Variants in ERC2 observed in about 807,000 individuals in gnomAD.
The protein encoded by ERC2 is ELKS/RAB6-interacting/CAST family member 2, also known as ERC protein 2.
ERC2 carries 42 observed loss-of-function variants against 114.8 expected under a neutral mutation model. The ratio of observed to expected loss-of-function variants is 0.37; its 90% CI spans 0.29 to 0.47. ERC2 has a LOEUF of 0.47. Ranked by LOEUF, ERC2 falls within the 20% of genes least tolerant of loss-of-function variation. ERC2 has a pLI of 0.99. For missense variants in ERC2, 939 were observed against 1,150.7 expected, an observed-to-expected ratio of 0.82 and a Z score of 2.66; for synonymous variants, 454 against 425.5, an observed-to-expected ratio of 1.07 and a Z score of -0.82.
At chr3:56,294,440 T>C (rs1166213484) in intron 3 of ERC2, among the ~76,000 whole-genome samples, 3 of 152,218 alleles carry the variant, frequency 2.0e-5, no homozygotes, top group African/African-American at 7.2e-5. Flanking sequence ...GCTCACTAAA[T>C]GGCTGTTACC....
chr3:55,935,720 A>C (rs1377678411), intron 13 of ERC2, among the ~76,000 whole-genome samples: 1 of 152,190 alleles, frequency 6.6e-6, no homozygotes, highest in Non-Finnish European at 1.5e-5. Context: ...CCTGCCACAC[A>C]AGGCCATTGC....
intron 15 of ERC2, among the ~76,000 whole-genome samples, chr3:55,732,562 C>T (rs543273723): frequency 7.9e-5 from 12 of 152,268 alleles, no homozygotes; most frequent in African/African-American, 2.9e-4. Flanking sequence ...GGACTATGCT[C>T]AATCCTTACT....
intron 14 of ERC2, among the ~76,000 whole-genome samples, chr3:55,837,539 G>A (rs1207832270): frequency 6.7e-6 from 1 of 149,168 alleles, no homozygotes; most frequent in East Asian, 2.0e-4. Flanking sequence ...TCACTCATAG[G>A]TGGGAAATGA....
intron 14 of ERC2, among the ~76,000 whole-genome samples, chr3:55,872,572 T>C (rs995439327): frequency 3.9e-5 from 6 of 152,126 alleles, no homozygotes; most frequent in Non-Finnish European, 7.4e-5. Context: ...TGAGAGGCAA[T>C]GCCCAGACAT....
In ERC2 at chr3:55,896,423, T is replaced by A. The variant is rs564685588; in HGVS notation, c.2404-7874A>T. 3.3e-5 allele frequency among the ~76,000 whole-genome samples: 5 copies of A among 152,298 alleles called. No individual in the cohort carries two copies. The East Asian group carries it at 7.7e-4, about 24-fold the overall frequency. On this transcript the variant is annotated intron_variant, in intron 13 of 17. Transcript: ENST00000288221. ...TCCCATTCTTTAGAAAAATGCTAGT[T>A]GGAGAATCACAGTAATTAAGAGACA...
chr3:55,980,694 G>A (rs1462178957), intron 12 of ERC2, among the ~76,000 whole-genome samples: 1 of 151,724 alleles, frequency 6.6e-6, no homozygotes, highest in East Asian at 1.9e-4. Flanking sequence ...CCATATGGTA[G>A]TACCAACCAA....
intron 17 of ERC2, among the ~76,000 whole-genome samples, chr3:55,640,497 T>A (rs1047983431): frequency 6.6e-6 from 1 of 152,156 alleles, no homozygotes; most frequent in African/African-American, 2.4e-5. Flanking sequence ...GGCTGGCCAG[T>A]GCCATGTAGC....
intron 13 of ERC2, among the ~76,000 whole-genome samples, chr3:55,914,731 C>G (rs1395603784): frequency 6.6e-6 from 1 of 152,134 alleles, no homozygotes; most frequent in Non-Finnish European, 1.5e-5. Context: ...AACCTAGGCC[C>G]ACAAAGGAAG....
chr3:55,615,850 C>T (rs1575781847), intron 17 of ERC2, among the ~76,000 whole-genome samples: 1 of 152,238 alleles, frequency 6.6e-6, no homozygotes, highest in African/African-American at 2.4e-5. Context: ...GACTGCCTGC[C>T]GAGCCATTTG....
At position 55,992,071 on chromosome 3, in the gene ERC2, G is replaced by A. The variant is rs750905847; in HGVS notation, c.2241C>T (p.Ile747=). ...GTAAAATTTACCTCTCCAGTTCTGC[G>A]ATCTTCTTGTCCTTGTCATTCTTCT... The part of the protein sequence containing the change: ...ENEKNDKDKK[I]AELESLTLRH... Residue 747 remains isoleucine (I), a synonymous_variant, in exon 11 of 18, where the codon ATC becomes ATT. Coordinates refer to ENST00000288221, the MANE Select transcript of ERC2 (RefSeq NM_015576.3). 11 of 1,612,842 alleles carry A rather than the reference G, an allele frequency of 6.8e-6. No individual in the cohort carries two copies. The highest frequency in any genetic ancestry group is 4.0e-5 in the African/African-American group (3 of 74,794).
At chr3:55,696,630 AGATAACTATT>A (rs2062944998) in intron 16 of ERC2, among the ~76,000 whole-genome samples, 1 of 152,250 alleles carries the variant, frequency 6.6e-6, no homozygotes, top group East Asian at 1.9e-4. Flanking sequence ...CAATTGGGAA[AGATAACTATT>A]GATAACTATT....
intron 2 of ERC2, among the ~76,000 whole-genome samples, chr3:56,396,722 T>C (rs1320238021): frequency 6.6e-6 from 1 of 152,218 alleles, no homozygotes; most frequent in African/African-American, 2.4e-5. Context: ...ACAAACAATA[T>C]GCATTAGTTT....
chr3:55,829,981 GAAAC>G (rs531038602), intron 14 of ERC2, among the ~76,000 whole-genome samples: 111 of 152,100 alleles, frequency 7.3e-4, no homozygotes, highest in East Asian at 9.7e-4. Flanking sequence ...TCAAACAGGA[GAAAC>G]AAACAAACAA....
intron 15 of ERC2, among the ~76,000 whole-genome samples, chr3:55,733,226 G>A (rs2065369941): frequency 6.6e-6 from 1 of 152,084 alleles, no homozygotes; most frequent in Non-Finnish European, 1.5e-5. Context: ...CAAGTAGGTG[G>A]AAAATCCAGT....
At chr3:56,127,281 A>G (rs1402768627) in intron 6 of ERC2, among the ~76,000 whole-genome samples, 3 of 152,210 alleles carry the variant, frequency 2.0e-5, no homozygotes, top group Admixed American at 6.5e-5. Context: ...AATCCCTATT[A>G]AAATATCAAT....
At chr3:55,538,359 G>A (rs1450255288) in intron 17 of ERC2, among the ~76,000 whole-genome samples, 2 of 152,136 alleles carry the variant, frequency 1.3e-5, no homozygotes, top group African/African-American at 4.8e-5. Flanking sequence ...TGGGTCACAG[G>A]GCCAAAGGGG....
intron 3 of ERC2, among the ~76,000 whole-genome samples, chr3:56,188,519 G>A (rs1395055523): frequency 8.5e-5 from 13 of 152,310 alleles, no homozygotes; most frequent in African/African-American, 2.6e-4. Context: ...CTGCAGACAC[G>A]TGCCACACTT....
At chr3:56,065,607 C>T (rs532188807) in intron 7 of ERC2, among the ~76,000 whole-genome samples, 16 of 152,076 alleles carry the variant, frequency 1.1e-4, no homozygotes, top group South Asian at 6.2e-4. Context: ...ATGTGTGCCA[C>T]GGTGGTTCGC....
intron 2 of ERC2, among the ~76,000 whole-genome samples, chr3:56,374,661 C>T (rs1194599058): frequency 6.6e-6 from 1 of 152,098 alleles, no homozygotes; most frequent in Non-Finnish European, 1.5e-5. Flanking sequence ...AGAAGTTTGA[C>T]TCCACAGCCC....
Sources: gnomAD v4.1 joint callset for allele counts (sites outside exome capture counted in the v4.1 genomes callset) on GRCh38, gnomAD v4.1.1 for gene constraint, MANE v1.5 for transcripts, NCBI Gene and HGNC (gene_info 2026-07-23, HGNC 2026-07-21) for gene names.